Variants in IL17RE observed in about 807,000 individuals in gnomAD.
The protein encoded by IL17RE is interleukin 17 receptor E, also known as interleukin-17 receptor E.
A neutral mutation model predicts 70.7 loss-of-function variants in IL17RE; 47 were observed. The observed-to-expected ratio is 0.67, with a 90% CI of 0.53 to 0.85. The LOEUF (loss-of-function observed/expected upper bound fraction) is 0.85, where lower values mean the gene tolerates loss of function less well. Ranked by LOEUF, IL17RE falls within the 40% of genes least tolerant of loss-of-function variation. IL17RE has a pLI of 0.00. For synonymous variants in IL17RE, 372 were observed against 381.2 expected (o/e 0.98, Z 0.28); for missense variants, 850 against 893.9 (o/e 0.95, Z 0.63).
At chr3:9,913,609 C>G (rs538068109) in intron 12 of IL17RE, among the ~76,000 whole-genome samples, 21 of 152,148 alleles carry the variant, frequency 1.4e-4, no homozygotes, top group Non-Finnish European at 2.8e-4. Context: ...GTTTTGATAC[C>G]TCTTCAGCTG....
chr3:9,909,502 C>T (rs1264780695), intron 8 of IL17RE: 2 of 576,596 alleles, frequency 3.5e-6, no homozygotes, highest in African/African-American at 1.9e-5. Flanking sequence ...GATCGCTGAG[C>T]ACCGCAGTAC....
chr3:9,913,691 G>A (rs914977996), intron 12 of IL17RE, among the ~76,000 whole-genome samples: 6 of 152,172 alleles, frequency 3.9e-5, no homozygotes, highest in African/African-American at 9.7e-5. Flanking sequence ...GTCCGCACCC[G>A]CCTTCTTTCC....
chr3:9,902,580 T>A (rs186229523), upstream of IL17RE: 375 of 1,514,928 alleles, frequency 2.5e-4, 4 homozygotes, highest in African/African-American at 4.6e-3. Flanking sequence ...GTGGATCAGA[T>A]CTGCAGTGTG....
chr3:9,915,268 C>T lies in IL17RE; in HGVS notation c.1465C>T (p.Pro489Ser), dbSNP rs1234630420. Residue 489 changes from proline (P) to serine (S), a missense_variant, in exon 16 of 16, where the codon CCA (proline) becomes TCA (serine). Transcript: ENST00000383814. This position sits in a 1 kb window ranked among gnomAD's most constrained non-coding sequence, Gnocchi z 4.9. ...RPQSGPGPARPVLLLHAADSE... is the reference protein window; with the variant it reads ...RPQSGPGPARSVLLLHAADSE... ...GCCACCAGGCCCGGGCCCAGCGCGG[C>T]CAGTGCTCCTCCTGCACGCGGCGGA... 7.2e-7 allele frequency: 1 copy of T among 1,398,194 alleles called. No individual in the cohort carries two copies. Among genetic ancestry groups the T allele is most frequent in the Non-Finnish European group, 9.2e-7 (1 of 1,083,960 alleles). The allele number at this position is 1,398,194 out of a possible 1,614,324, so 86.6% of individuals were successfully genotyped here. A position where few individuals can be genotyped will look rare whatever the true frequency, so the allele number is the denominator to read the frequency against.
In IL17RE at chr3:9,914,738, G is replaced by A. The variant is rs1391078288; in HGVS notation, c.1408G>A (p.Gly470Ser). Residue 470 changes from glycine to serine, a missense_variant, in exon 15 of 16, where the codon GGT becomes AGT. By Grantham distance (56) the Gly-to-Ser change is moderately conservative. Transcript: ENST00000383814. ...LALLALLTLL[G>S]VVLALTCRRP... The stretch of plus-strand genomic sequence containing the variant: ...ACTGCTGGCCCTCCTCACCCTACTG[G>A]GTGTTGTTCTGGCCCTCACCTGCCG... 8 of 1,613,938 alleles carry A rather than the reference G, an allele frequency of 5.0e-6. No individual in the cohort carries two copies. The highest frequency in any genetic ancestry group is 8.5e-7 in the Non-Finnish European group (1 of 1,180,022).
Position 9,915,501 on chromosome 3 carries a change from G to T in IL17RE, c.1698G>T (p.Pro566=). The T allele has an allele frequency of 7.6e-7, 1 of 1,313,314 alleles. No individual in the cohort carries two copies. Among genetic ancestry groups the T allele is most frequent in the Non-Finnish European group, 9.6e-7 (1 of 1,040,282 alleles). 81.4% of individuals were successfully genotyped at this position (1,313,314 alleles called of 1,614,324 possible). The stretch of plus-strand genomic sequence containing the variant: ...TGTGGAGCGGCGCCGACCTTCGCCC[G>T]GTCAGCGGCCCCGACCCCCGCGCCG... ...LLLWSGADLR[P]VSGPDPRAAP... is the part of the protein sequence containing the mutation. Residue 566 remains proline (P), a synonymous_variant, in exon 16 of 16, where the codon CCG becomes CCT. Coordinates refer to ENST00000383814, the MANE Select transcript of IL17RE (RefSeq NM_153480.2). This position sits in a 1 kb window ranked among gnomAD's most constrained non-coding sequence, Gnocchi z 4.9.
chr3:9,902,501 G>A (rs1239145046), upstream of IL17RE: 2 of 899,954 alleles, frequency 2.2e-6, no homozygotes, highest in Non-Finnish European at 3.5e-6. Context: ...TAAGAGCTCG[G>A]CTAATTCTCT....
Position 9,916,182 on chromosome 3 carries a change from T to G in IL17RE, c.*375T>G. 1.1e-5 allele frequency: 2 copies of G among 181,346 alleles called. No homozygotes were observed. The highest frequency in any genetic ancestry group is 1.1e-5 in the Non-Finnish European group (1 of 87,734). 11.2% of individuals were successfully genotyped at this position (181,346 alleles called of 1,614,324 possible). On this transcript the variant is annotated 3_prime_UTR_variant, in exon 16 of 16. Transcript: ENST00000383814. ...TGAAGGAGGGTGAGGCGGTGGGGGATTGCAGGGGGCGGCTGAGAGAAAACC... is the reference window on the plus strand; with the variant it reads ...TGAAGGAGGGTGAGGCGGTGGGGGAGTGCAGGGGGCGGCTGAGAGAAAACC...
rs569672419 is a variant in IL17RE, at chr3:9,903,726, C to A, written c.149-306C>A. 2.0e-5 allele frequency among the ~76,000 whole-genome samples: 3 copies of A among 152,286 alleles called. No individual in the cohort carries two copies. In the South Asian group the frequency reaches 6.2e-4, roughly 32 times the overall value. On this transcript the variant is annotated intron_variant, in intron 2 of 15. Coordinates refer to ENST00000383814, the MANE Select transcript of IL17RE (RefSeq NM_153480.2). ...GATTAGATGAGAAACATGAGTAAAT[C>A]TCCAGGTTCTCCATATATGTTGGCT...
At chr3:9,904,903 G>A (rs561604269) in intron 3 of IL17RE, among the ~76,000 whole-genome samples, 2 of 152,224 alleles carry the variant, frequency 1.3e-5, no homozygotes, top group African/African-American at 4.8e-5. Flanking sequence ...AGACCAGCCT[G>A]GCCAACATGG....
chr3:9,908,843 G>T (rs2082820210), intron 7 of IL17RE, among the ~76,000 whole-genome samples: 1 of 152,186 alleles, frequency 6.6e-6, no homozygotes. Context: ...TTGCCAGGGT[G>T]GACAGCAGGT....
intron 3 of IL17RE, among the ~76,000 whole-genome samples, chr3:9,906,158 A>G (rs985579434): frequency 6.6e-6 from 1 of 152,126 alleles, no homozygotes; most frequent in Non-Finnish European, 1.5e-5. Context: ...CTGAGGCAGG[A>G]GAATCACTTG....
At chr3:9,907,476 G>A (rs990636049) in intron 6 of IL17RE, among the ~76,000 whole-genome samples, 32 of 152,196 alleles carry the variant, frequency 2.1e-4, no homozygotes, top group African/African-American at 7.7e-4. Context: ...GGAAGAACAG[G>A]AAAGGCAGGC....
intron 8 of IL17RE, chr3:9,909,532 T>C (rs903919834): frequency 5.8e-6 from 3 of 517,718 alleles, no homozygotes; most frequent in East Asian, 3.2e-5. Flanking sequence ...TTTAGAAATA[T>C]GAGGCCTAGG....
intron 6 of IL17RE, 110 bp downstream of exon 6, chr3:9,907,210 C>A: frequency 7.3e-7 from 1 of 1,364,294 alleles, no homozygotes; most frequent in Non-Finnish European, 1.0e-6. Flanking sequence ...GGTAACTGTC[C>A]AAGACCTCCT....
At chr3:9,907,687 TAAG>T (rs2082792362) in intron 6 of IL17RE, among the ~76,000 whole-genome samples, 1 of 152,316 alleles carries the variant, frequency 6.6e-6, no homozygotes, top group African/African-American at 2.4e-5. Flanking sequence ...TTGTATCGCC[TAAG>T]AACATAACAA....
chr3:9,905,545 G>A (rs2082733161), intron 3 of IL17RE, among the ~76,000 whole-genome samples: 1 of 152,138 alleles, frequency 6.6e-6, no homozygotes, highest in African/African-American at 2.4e-5. Flanking sequence ...GCAGGGACTG[G>A]CGTGGTGGCT....
intron 12 of IL17RE, 96 bp from the exon 13 acceptor site, chr3:9,913,860 G>T: frequency 1.1e-6 from 1 of 949,002 alleles, no homozygotes; most frequent in Non-Finnish European, 1.7e-6. Context: ...AGGATTGGGG[G>T]TGTGGTGGGG....
upstream of IL17RE, chr3:9,902,695 G>T: frequency 2.0e-6 from 3 of 1,535,958 alleles, no homozygotes; most frequent in East Asian, 2.4e-5. Context: ...TCTTTCAGGT[G>T]GGGGGCAGTA....
Sources: gnomAD v4.1 joint callset for allele counts (sites outside exome capture counted in the v4.1 genomes callset) on GRCh38, gnomAD v4.1.1 for gene constraint, Gnocchi (gnomAD v3.1) non-coding constraint, MANE v1.5 for transcripts, NCBI Gene and HGNC (gene_info 2026-07-23, HGNC 2026-07-21) for gene names.